Variants in POFUT3 observed in about 807,000 individuals in gnomAD.
The protein encoded by POFUT3 is protein O-fucosyltransferase 3.
the POFUT3 span, chr8:33,451,586 ATGTGTATGTGTG>A: frequency 2.0e-5 from 3 of 151,756 alleles, no homozygotes; most frequent in African/African-American, 7.3e-5. Flanking sequence ...GTGTGTACAT[ATGTGTATGTGTG>A]TGTGCATGTG....
chr8:33,461,023 C>T, the POFUT3 span, among the ~76,000 whole-genome samples: 9 of 151,888 alleles, frequency 5.9e-5, no homozygotes, highest in Non-Finnish European at 1.0e-4. Context: ...GGCGTGGTAG[C>T]GGGTGCCTGT....
the POFUT3 span, among the ~76,000 whole-genome samples, chr8:33,357,290 C>T: frequency 6.6e-6 from 1 of 152,048 alleles, no homozygotes; most frequent in African/African-American, 2.4e-5. Context: ...AATATTGATT[C>T]TTCCTACCCA....
At chr8:33,389,399 G>A in the POFUT3 span, 1 of 1,614,052 alleles carries the variant, frequency 6.2e-7, no homozygotes, top group Admixed American at 1.7e-5. Context: ...CATAGAGGCT[G>A]GATTTTTCAG....
At chr8:33,356,306 T>C in the POFUT3 span, among the ~76,000 whole-genome samples, 1 of 152,216 alleles carries the variant, frequency 6.6e-6, no homozygotes, top group Non-Finnish European at 1.5e-5. Context: ...AAAGTGTTCC[T>C]ATTTCTCCAC....
the POFUT3 span, among the ~76,000 whole-genome samples, chr8:33,381,004 A>G: frequency 6.6e-6 from 1 of 151,924 alleles, no homozygotes; most frequent in African/African-American, 2.4e-5. Context: ...AGGCATGGTG[A>G]CATGCACCTG....
At chr8:33,400,026 A>G in the POFUT3 span, among the ~76,000 whole-genome samples, 5 of 152,134 alleles carry the variant, frequency 3.3e-5, no homozygotes, top group South Asian at 1.0e-3. Flanking sequence ...ATAAAAATAA[A>G]AGTAAAGTGA....
chr8:33,420,272 G>T, the POFUT3 span, among the ~76,000 whole-genome samples: 108 of 152,232 alleles, frequency 7.1e-4, no homozygotes, highest in Non-Finnish European at 1.5e-3. Flanking sequence ...AGAATTATTA[G>T]TTTTAGACAA....
At chr8:33,416,783 T>C in the POFUT3 span, among the ~76,000 whole-genome samples, 1 of 147,700 alleles carries the variant, frequency 6.8e-6, no homozygotes, top group African/African-American at 2.5e-5. Context: ...GAGGCAGAGG[T>C]TGCAGTGAGC....
At chr8:33,454,917 C>T in the POFUT3 span, among the ~76,000 whole-genome samples, 1 of 152,110 alleles carries the variant, frequency 6.6e-6, no homozygotes, top group Non-Finnish European at 1.5e-5. Flanking sequence ...CTGCCTGCCT[C>T]AGCCTCCCAA....
the POFUT3 span, among the ~76,000 whole-genome samples, chr8:33,355,908 A>G: frequency 2.6e-5 from 4 of 152,176 alleles, no homozygotes; most frequent in Non-Finnish European, 2.9e-5. Context: ...ACCTATGAGT[A>G]AGAATATGTG....
chr8:33,331,359 A>G, the POFUT3 span, among the ~76,000 whole-genome samples: 1 of 151,952 alleles, frequency 6.6e-6, no homozygotes, highest in African/African-American at 2.4e-5. Context: ...ACTGAATATT[A>G]TGACTAAAAC....
the POFUT3 span, chr8:33,388,801 C>G: frequency 4.2e-5 from 27 of 640,932 alleles, no homozygotes; most frequent in Non-Finnish European, 6.6e-5. Flanking sequence ...ACGACAGTCC[C>G]AAAAGGTAGT....
chr8:33,399,902 T>G, the POFUT3 span, among the ~76,000 whole-genome samples: 1 of 151,648 alleles, frequency 6.6e-6, no homozygotes, highest in South Asian at 2.1e-4. Flanking sequence ...GATCCGCCCA[T>G]CTCGGCCTCC....
At chr8:33,393,390 G>A in the POFUT3 span, among the ~76,000 whole-genome samples, 1 of 152,036 alleles carries the variant, frequency 6.6e-6, no homozygotes, top group African/African-American at 2.4e-5. Flanking sequence ...ATAGATCTTT[G>A]GCACTAATGT....
At chr8:33,371,375 C>T in the POFUT3 span, 1 of 152,180 alleles carries the variant, frequency 6.6e-6, no homozygotes, top group East Asian at 1.9e-4. Flanking sequence ...ACACCAAGGG[C>T]ACAGCCTTCA....
the POFUT3 span, among the ~76,000 whole-genome samples, chr8:33,349,142 G>C: frequency 6.6e-6 from 1 of 152,180 alleles, no homozygotes; most frequent in Non-Finnish European, 1.5e-5. Flanking sequence ...GGTCTTACCC[G>C]TTGTATTGGC....
the POFUT3 span, among the ~76,000 whole-genome samples, chr8:33,447,317 C>T: frequency 3.3e-5 from 5 of 152,178 alleles, no homozygotes; most frequent in Admixed American, 2.0e-4. Context: ...AGTGTGGTGG[C>T]GGGTGCCTGT....
At chr8:33,360,233 A>G in the POFUT3 span, among the ~76,000 whole-genome samples, 1 of 152,060 alleles carries the variant, frequency 6.6e-6, no homozygotes, top group African/African-American at 2.4e-5. Context: ...TCGTGAGGTC[A>G]GGAGATCGAG....
At chr8:33,372,630 T>A in the POFUT3 span, 1 of 1,613,956 alleles carries the variant, frequency 6.2e-7, no homozygotes, top group South Asian at 1.1e-5. Flanking sequence ...TTTTGATTCC[T>A]ATCAACCAGC....
Sources: gnomAD v4.1 joint callset for allele counts (sites outside exome capture counted in the v4.1 genomes callset) on GRCh38, gnomAD v4.1.1 for gene constraint, MANE v1.5 for transcripts, NCBI Gene and HGNC (gene_info 2026-07-23, HGNC 2026-07-21) for gene names.